The following DENND5B variants were observed in gnomAD, a reference collection of about 807,000 sequenced individuals.
The protein encoded by DENND5B is DENN domain-containing protein 5B.
In DENND5B, 34 loss-of-function variants were observed where a neutral mutation model predicts 140.6. That is an observed-to-expected ratio of 0.24 (90% CI 0.18 to 0.32). The LOEUF is 0.32. Among genes scored for constraint, DENND5B ranks in the 10% least tolerant of loss-of-function variants. The probability of loss-of-function intolerance (pLI) is 1.00; values close to 1 mark genes in which losing one functional copy is unlikely to be tolerated. For synonymous variants in DENND5B, 551 were observed against 562.1 expected, an observed-to-expected ratio of 0.98 and a Z score of 0.28; for missense variants, 1,142 against 1,560.2, an observed-to-expected ratio of 0.73 and a Z score of 4.52.
intron 2 of DENND5B, among the ~76,000 whole-genome samples, chr12:31,486,678 T>C (rs979511111): frequency 4.6e-5 from 7 of 152,214 alleles, no homozygotes; most frequent in Non-Finnish European, 1.0e-4. Context: ...TTTTAAGCCA[T>C]TAACTGGTAG....
chr12:31,531,353 C>T (rs1948272638), intron 1 of DENND5B, among the ~76,000 whole-genome samples: 2 of 152,232 alleles, frequency 1.3e-5, no homozygotes, highest in African/African-American at 4.8e-5. Flanking sequence ...GCGCATGCCA[C>T]TACGTCCCGC....
intron 1 of DENND5B, among the ~76,000 whole-genome samples, chr12:31,544,598 T>C (rs1323732434): frequency 1.3e-5 from 2 of 151,972 alleles, no homozygotes; most frequent in Non-Finnish European, 2.9e-5. Context: ...AACTATCAAA[T>C]CTATGAATAT....
At chr12:31,514,347 A>G (rs1947541417) in intron 1 of DENND5B, among the ~76,000 whole-genome samples, 1 of 152,196 alleles carries the variant, frequency 6.6e-6, no homozygotes, top group Admixed American at 6.5e-5. Flanking sequence ...AAAACCTCTT[A>G]ATAGTGATTT....
intron 17 of DENND5B, among the ~76,000 whole-genome samples, chr12:31,396,687 G>C (rs528298269): frequency 6.6e-6 from 1 of 152,070 alleles, no homozygotes; most frequent in Non-Finnish European, 1.5e-5. Flanking sequence ...GCATGAGCTC[G>C]GCTCACTGCA....
intron 1 of DENND5B, among the ~76,000 whole-genome samples, chr12:31,510,168 C>T (rs1947355900): frequency 6.6e-6 from 1 of 152,144 alleles, no homozygotes; most frequent in Admixed American, 6.5e-5. Context: ...CTTAACACAC[C>T]CACATTTATT....
rs1214479440 is a variant in DENND5B, at chr12:31,384,831, A to G, written c.*2772T>C. On this transcript the variant is annotated 3_prime_UTR_variant, in exon 21 of 21. Transcript: ENST00000389082. ...ACCCAGGTTGGAGTGCAGTGGCACA[A>G]TCTCGGCTCACTGCAACCTCCACCT... 1 of 151,854 alleles carries G rather than the reference A, an allele frequency of 6.6e-6. No individual in the cohort carries two copies. The highest frequency in any genetic ancestry group is 6.6e-5 in the Admixed American group (1 of 15,240). 9.4% of individuals were successfully genotyped at this position (151,854 alleles called of 1,614,324 possible).
chr12:31,516,132 A>G (rs2138960472), intron 1 of DENND5B, among the ~76,000 whole-genome samples: 1 of 152,008 alleles, frequency 6.6e-6, no homozygotes, highest in Non-Finnish European at 1.5e-5. Context: ...ATTTATATTC[A>G]TTTTCTCTAA....
chr12:31,425,918 C>A (rs968292831), intron 9 of DENND5B, among the ~76,000 whole-genome samples: 14 of 152,184 alleles, frequency 9.2e-5, no homozygotes, highest in African/African-American at 3.4e-4. Flanking sequence ...GGGACAAAAA[C>A]CATGTACAGG....
rs1462000673 is a variant in DENND5B, at chr12:31,460,319, GC to G, written c.966del (p.Trp322CysfsTer24). 6.2e-7 allele frequency: 1 copy of G among 1,613,846 alleles called. No individual in the cohort carries two copies. The highest frequency in any genetic ancestry group is 8.5e-7 in the Non-Finnish European group (1 of 1,179,888). Reference sequence around the variant, plus strand: ...GGTAGAATGGGCACATAAACATGTTGCCATTGAAATGGGAACAAAAGTGTGG... The same window carrying G: ...GGTAGAATGGGCACATAAACATGTTGCATTGAAATGGGAACAAAAGTGTGG... Reference protein sequence around the residue: ...GITTLLFPFQWQHVYVPILPA... With the variant: ...GITTLLFPFQXQHVYVPILPA... On this transcript the variant is annotated frameshift_variant, in exon 4 of 21. Transcript: ENST00000389082. LOFTEE classifies it high-confidence loss of function.
intron 3 of DENND5B, among the ~76,000 whole-genome samples, chr12:31,467,146 G>GA (rs1565608362): frequency 2.1e-3 from 57 of 27,488 alleles, no homozygotes; most frequent in African/African-American, 3.8e-3. Context: ...AGAGTACTAA[G>GA]GAAAAAAAAA....
intron 3 of DENND5B, among the ~76,000 whole-genome samples, chr12:31,470,879 A>G (rs980319685): frequency 1.3e-5 from 2 of 152,106 alleles, no homozygotes; most frequent in Non-Finnish European, 2.9e-5. Flanking sequence ...AGGAACCTTT[A>G]ATTCCTGGGT....
intron 1 of DENND5B, among the ~76,000 whole-genome samples, chr12:31,577,496 G>A (rs1293940506): frequency 6.6e-6 from 1 of 151,602 alleles, no homozygotes; most frequent in Non-Finnish European, 1.5e-5. Flanking sequence ...AGATCACGAG[G>A]TCAGGAGATC....
intron 3 of DENND5B, among the ~76,000 whole-genome samples, chr12:31,468,451 T>A (rs187554506): frequency 5.8e-4 from 88 of 151,934 alleles, no homozygotes; most frequent in African/African-American, 2.1e-3. Context: ...AAACCATAAA[T>A]TAATAAAACA....
At chr12:31,440,564 A>G (rs1943985827) in intron 7 of DENND5B, among the ~76,000 whole-genome samples, 1 of 152,210 alleles carries the variant, frequency 6.6e-6, no homozygotes, top group South Asian at 2.1e-4. Flanking sequence ...TTTCATTCTG[A>G]ATATATAACT....
chr12:31,399,812 C>T, intron 15 of DENND5B, 40 bp from the exon 16 acceptor site: 1 of 1,464,960 alleles, frequency 6.8e-7, no homozygotes, highest in South Asian at 1.2e-5. Flanking sequence ...TACCCAATCC[C>T]ATCCTGTTAC....
At chr12:31,395,599 A>ATGT (rs879305516) in intron 17 of DENND5B, among the ~76,000 whole-genome samples, 3,102 of 152,198 alleles carry the variant, frequency 0.02, 55 homozygotes, top group South Asian at 0.054. Flanking sequence ...AGTCAAAACA[A>ATGT]AACAAAACAA....
intron 1 of DENND5B, among the ~76,000 whole-genome samples, chr12:31,497,560 C>G (rs1303484104): frequency 6.6e-6 from 1 of 151,190 alleles, no homozygotes; most frequent in Non-Finnish European, 1.5e-5. Flanking sequence ...CAGGAAGAGT[C>G]CATGATGTTT....
intron 1 of DENND5B, among the ~76,000 whole-genome samples, chr12:31,566,338 C>CTGTGTGTGTGTGTGTGTGTGTG (rs6144677): frequency 6.7e-6 from 1 of 148,496 alleles, no homozygotes; most frequent in South Asian, 2.2e-4. Flanking sequence ...CTCTTAAAAA[C>CTGTGTGTGTGTGTGTGTGTGTG]TGTGTGTGTG....
intron 3 of DENND5B, among the ~76,000 whole-genome samples, chr12:31,474,193 T>C (rs1461799206): frequency 1.3e-5 from 2 of 152,166 alleles, no homozygotes; most frequent in African/African-American, 2.4e-5. Context: ...AGGCATGCAG[T>C]GTGGTGTGGG....
Sources: allele counts gnomAD v4.1 joint callset (sites outside exome capture counted in the v4.1 genomes callset), GRCh38; gene constraint gnomAD v4.1.1; transcripts MANE v1.5; gene names NCBI Gene and HGNC (gene_info 2026-07-23, HGNC 2026-07-21).